The following NSG1 variants were observed in gnomAD, a reference collection of about 807,000 sequenced individuals.
NSG1 encodes neuronal vesicle trafficking-associated protein 1.
Under a neutral mutation model 19.3 loss-of-function variants are expected in NSG1, and 9 were observed. The ratio of observed to expected loss-of-function variants is 0.47; its 90% confidence interval spans 0.28 to 0.81. The LOEUF (loss-of-function observed/expected upper bound fraction) is 0.81, where lower values mean the gene tolerates loss of function less well. Ranked by LOEUF, NSG1 falls within the 40% of genes least tolerant of loss-of-function variation. The pLI is 0.11. For missense variants in NSG1, 236 were observed against 242.4 expected (o/e 0.97, Z 0.18); for synonymous variants, 104 against 107.0 (o/e 0.97, Z 0.17).
In NSG1 at chr4:4,417,256, G is replaced by T; in HGVS notation, c.379G>T (p.Gly127Cys). 1 of 1,614,146 alleles carries T rather than the reference G, an allele frequency of 6.2e-7. No individual in the cohort carries two copies. The highest frequency in any genetic ancestry group is 1.1e-5 in the South Asian group (1 of 91,082). ...VLKNTQCIPE[G>C]LESYYAEQDS... ...TCAGAACACCCAGTGCATCCCAGAA[G>T]GCTTGGAGAGCTACTACGCGGAGCA... The change falls in exon 5 of 5, where the codon GGC (glycine) becomes TGC (cysteine). Residue 127 changes from glycine (G) to cysteine (C), a missense_variant. By Grantham distance (159) the Gly-to-Cys change is radical. Transcript: ENST00000621129.
rs371187470 is a variant in NSG1 at position 4,387,582 on chromosome 4, C to A, written c.-26-22C>A. The A allele has an allele frequency of 2.2e-5, 30 of 1,354,204 alleles. No homozygotes were observed. In the South Asian group the frequency reaches 2.9e-4, roughly 13 times the overall value. The allele number at this position is 1,354,204 out of a possible 1,614,324, so 83.9% of individuals were successfully genotyped here. A position where few individuals can be genotyped will look rare whatever the true frequency, so the allele number is the denominator to read the frequency against. ...GCCCCGGGTCTTGCTTGTGGTGACT[C>A]CCCCCGGCCCTCCCGCCGCAGGCTG... On this transcript the variant is annotated intron_variant, in intron 1 of 4. Transcript: ENST00000621129.
At chr4:4,395,467 G>A (rs1723205667) in intron 3 of NSG1, among the ~76,000 whole-genome samples, 1 of 152,278 alleles carries the variant, frequency 6.6e-6, no homozygotes, top group Middle Eastern at 3.4e-3. Flanking sequence ...TACCCAGTTA[G>A]ATTTCTGGCA....
At chr4:4,387,892 C>G in intron 2 of NSG1, 134 bp downstream of exon 2, 1 of 748,484 alleles carries the variant, frequency 1.3e-6, no homozygotes, top group Non-Finnish European at 2.3e-6. Context: ...GGAGGGAGCG[C>G]GGCGAGGACA....
chr4:4,406,601 G>A (rs926047400), intron 3 of NSG1, among the ~76,000 whole-genome samples: 2 of 152,152 alleles, frequency 1.3e-5, no homozygotes, highest in African/African-American at 4.8e-5. Context: ...TCTGCCAGGC[G>A]CACACCCCAG....
intron 3 of NSG1, among the ~76,000 whole-genome samples, chr4:4,401,606 C>G (rs927505631): frequency 6.6e-6 from 1 of 152,134 alleles, no homozygotes; most frequent in Non-Finnish European, 1.5e-5. Flanking sequence ...TTTAGCAGTT[C>G]TCGCCCTGTG....
At chr4:4,388,765 G>T (rs958732443) in intron 2 of NSG1, among the ~76,000 whole-genome samples, 2 of 152,204 alleles carry the variant, frequency 1.3e-5, no homozygotes, top group African/African-American at 4.8e-5. Context: ...GTCCTGGTGG[G>T]GGCCCTGACC....
chr4:4,409,448 T>C (rs1724048060), intron 3 of NSG1, 125 bp from the exon 4 acceptor site: 1 of 723,216 alleles, frequency 1.4e-6, no homozygotes, highest in South Asian at 1.6e-5. Flanking sequence ...CTAGCTGCCC[T>C]TACCAGGTTC....
At chr4:4,416,491 G>A (rs995225175) in intron 4 of NSG1, among the ~76,000 whole-genome samples, 6 of 152,156 alleles carry the variant, frequency 3.9e-5, no homozygotes, top group African/African-American at 1.4e-4. Flanking sequence ...CCGTGGAGGT[G>A]AGCCACTCAC....
intron 3 of NSG1, among the ~76,000 whole-genome samples, chr4:4,404,465 C>A (rs538439812): frequency 6.6e-5 from 10 of 152,302 alleles, no homozygotes; most frequent in South Asian, 6.2e-4. Context: ...AGGGTCACTG[C>A]GTGTGGCCGA....
At chr4:4,387,469 A>G (rs2108716276) in intron 1 of NSG1, 135 bp from the exon 2 acceptor site, 4 of 618,734 alleles carry the variant, frequency 6.5e-6, no homozygotes, top group East Asian at 5.7e-5. Context: ...CCGCGTCCCC[A>G]CGAGCCCTCC....
intron 2 of NSG1, 145 bp from the exon 3 acceptor site, chr4:4,391,330 T>G: frequency 3.2e-6 from 2 of 624,916 alleles, no homozygotes; most frequent in East Asian, 2.6e-5. Flanking sequence ...ACAGAGGAGA[T>G]TTCCAAAAAG....
chr4:4,406,219 G>C (rs1723848785), intron 3 of NSG1, among the ~76,000 whole-genome samples: 1 of 152,074 alleles, frequency 6.6e-6, no homozygotes, highest in Non-Finnish European at 1.5e-5. Flanking sequence ...AGTAGAGACG[G>C]GGTCTCACCA....
chr4:4,405,730 C>T (rs555867612), intron 3 of NSG1, among the ~76,000 whole-genome samples: 23 of 152,276 alleles, frequency 1.5e-4, no homozygotes, highest in Middle Eastern at 6.8e-3. Flanking sequence ...CACCACGGGC[C>T]GCCCGCTGAC....
At chr4:4,412,015 T>A (rs1724231638) in intron 4 of NSG1, among the ~76,000 whole-genome samples, 1 of 152,200 alleles carries the variant, frequency 6.6e-6, no homozygotes, top group South Asian at 2.1e-4. Flanking sequence ...GCAGGGGGTG[T>A]GTGTATACCA....
intron 3 of NSG1, among the ~76,000 whole-genome samples, chr4:4,397,039 CTG>C (rs61613589): frequency 2.1e-4 from 31 of 150,028 alleles, no homozygotes; most frequent in African/African-American, 7.1e-4. Flanking sequence ...GTTCAGTCAT[CTG>C]TGTGTGTGTG....
chr4:4,406,677 C>T (rs993458170), intron 3 of NSG1, among the ~76,000 whole-genome samples: 2 of 152,172 alleles, frequency 1.3e-5, no homozygotes, highest in East Asian at 1.9e-4. Flanking sequence ...ATGCTCCCCC[C>T]CAACCCAGGT....
chr4:4,401,516 C>T (rs1723546160), intron 3 of NSG1, among the ~76,000 whole-genome samples: 1 of 152,224 alleles, frequency 6.6e-6, no homozygotes, highest in Non-Finnish European at 1.5e-5. Flanking sequence ...TTTCCCTCCT[C>T]CCTGGTAAGC....
chr4:4,413,013 C>T (rs1214484748), intron 4 of NSG1, among the ~76,000 whole-genome samples: 2 of 152,280 alleles, frequency 1.3e-5, no homozygotes, highest in South Asian at 2.1e-4. Flanking sequence ...TCTCCTTGCA[C>T]ATCATGCTGT....
chr4:4,404,940 G>A (rs1217939208), intron 3 of NSG1, among the ~76,000 whole-genome samples: 1 of 152,136 alleles, frequency 6.6e-6, no homozygotes, highest in Admixed American at 6.5e-5. Flanking sequence ...CGGAAGGAAC[G>A]GGGTAATGGC....
Sources: gnomAD v4.1 joint callset for allele counts (sites outside exome capture counted in the v4.1 genomes callset) on GRCh38, gnomAD v4.1.1 for gene constraint, MANE v1.5 for transcripts, NCBI Gene and HGNC (gene_info 2026-07-23, HGNC 2026-07-21) for gene names.